Variants in CLSTN2 observed in about 807,000 individuals in gnomAD.
CLSTN2 encodes the protein calsyntenin 2.
In CLSTN2, 48 loss-of-function variants were observed where a neutral mutation model predicts 101.2. That is an observed-to-expected ratio of 0.47 (90% confidence interval 0.38 to 0.60). The LOEUF (loss-of-function observed/expected upper bound fraction) is 0.60. CLSTN2 is among the 20% of genes least tolerant of loss of function. The pLI is 0.00. For missense variants in CLSTN2, 1,160 were observed against 1,238.2 expected, an observed-to-expected ratio of 0.94 and a Z score of 0.95; for synonymous variants, 481 against 463.6, an observed-to-expected ratio of 1.04 and a Z score of -0.48.
chr3:140,227,049 C>G (rs915551321), intron 2 of CLSTN2, among the ~76,000 whole-genome samples: 2 of 152,148 alleles, frequency 1.3e-5, no homozygotes, highest in African/African-American at 4.8e-5. Flanking sequence ...AATCTCATGT[C>G]CTCACATTTC....
chr3:140,558,273 G>A (rs753998230), intron 11 of CLSTN2, among the ~76,000 whole-genome samples: 36 of 152,298 alleles, frequency 2.4e-4, no homozygotes, highest in Middle Eastern at 3.4e-3. Flanking sequence ...TTAGTAAGAC[G>A]GGTGTAACCA....
At chr3:140,517,357 G>A (rs1482735009) in intron 8 of CLSTN2, among the ~76,000 whole-genome samples, 1 of 152,174 alleles carries the variant, frequency 6.6e-6, no homozygotes, top group African/African-American at 2.4e-5. Flanking sequence ...CATTGGTGGT[G>A]AGCTGGTGTG....
At chr3:140,327,408 G>T (rs1029536471) in intron 2 of CLSTN2, among the ~76,000 whole-genome samples, 2 of 152,188 alleles carry the variant, frequency 1.3e-5, no homozygotes, top group Non-Finnish European at 2.9e-5. Flanking sequence ...GCACTTTCAT[G>T]CATGAGAAGG....
chr3:140,375,013 A>G (rs554998648), intron 2 of CLSTN2, among the ~76,000 whole-genome samples: 1 of 152,370 alleles, frequency 6.6e-6, no homozygotes, highest in Non-Finnish European at 1.5e-5. Context: ...TTGCTCACCT[A>G]GGAGCCAATG....
chr3:140,405,030 A>G (rs2088286784), intron 4 of CLSTN2, among the ~76,000 whole-genome samples: 1 of 152,158 alleles, frequency 6.6e-6, no homozygotes, highest in East Asian at 1.9e-4. Context: ...AGTGCCACAC[A>G]TCTAGATACC....
At chr3:140,214,177 C>T (rs547124986) in intron 2 of CLSTN2, among the ~76,000 whole-genome samples, 21 of 152,188 alleles carry the variant, frequency 1.4e-4, no homozygotes, top group South Asian at 2.1e-4. Context: ...TGGTGGCTCA[C>T]GCCTGTAATC....
chr3:139,985,712 A>C (rs1360711885), intron 1 of CLSTN2, among the ~76,000 whole-genome samples: 2 of 152,170 alleles, frequency 1.3e-5, no homozygotes, highest in African/African-American at 4.8e-5. Context: ...AAAGCAATTG[A>C]ATCTTGGTTG....
chr3:139,974,337 A>G (rs949857313), intron 1 of CLSTN2, among the ~76,000 whole-genome samples: 5 of 152,184 alleles, frequency 3.3e-5, no homozygotes, highest in African/African-American at 7.2e-5. Flanking sequence ...CAACCAAGAC[A>G]TGTTCACACC....
chr3:140,421,043 G>A (rs1354218432), intron 4 of CLSTN2, 82 bp from the exon 5 acceptor site: 5 of 1,379,246 alleles, frequency 3.6e-6, no homozygotes, highest in Non-Finnish European at 5.0e-6. Context: ...TGTGAAGGTG[G>A]GTGGAGTGGA....
At chr3:140,128,457 G>A (rs1367161793) in intron 1 of CLSTN2, among the ~76,000 whole-genome samples, 1 of 152,178 alleles carries the variant, frequency 6.6e-6, no homozygotes, top group Non-Finnish European at 1.5e-5. Flanking sequence ...TTAATAAAAG[G>A]ATTATTTACA....
chr3:140,273,885 T>C (rs1179900576), intron 2 of CLSTN2, among the ~76,000 whole-genome samples: 1 of 152,176 alleles, frequency 6.6e-6, no homozygotes, highest in African/African-American at 2.4e-5. Flanking sequence ...TTTGGGGACC[T>C]GGCTCAATTT....
At chr3:140,556,077 C>T (rs1032640511) in intron 10 of CLSTN2, among the ~76,000 whole-genome samples, 1 of 152,080 alleles carries the variant, frequency 6.6e-6, no homozygotes, top group African/African-American at 2.4e-5. Flanking sequence ...CGGCATGGGT[C>T]AGAAAATGGA....
intron 1 of CLSTN2, among the ~76,000 whole-genome samples, chr3:140,134,744 G>C (rs1396480229): frequency 6.6e-6 from 1 of 152,092 alleles, no homozygotes; most frequent in East Asian, 1.9e-4. Context: ...TGTGAAGCTG[G>C]GCTGGGGGAA....
At chr3:140,261,122 T>C (rs528247906) in intron 2 of CLSTN2, among the ~76,000 whole-genome samples, 3 of 152,184 alleles carry the variant, frequency 2.0e-5, no homozygotes, top group Non-Finnish European at 2.9e-5. Context: ...TAATACAGTG[T>C]TTGGAAATGA....
rs572534467 is a variant in CLSTN2, at chr3:140,571,560, T to C, written c.*5307T>C. ...TGAATGGTACAGGATTCTGCATCTATATGAGACATTTATTGAGGCTGACAA... is the reference window on the plus strand; with the variant it reads ...TGAATGGTACAGGATTCTGCATCTACATGAGACATTTATTGAGGCTGACAA... On this transcript the variant is annotated 3_prime_UTR_variant, in exon 17 of 17. Transcript: ENST00000458420. 2.4e-4 allele frequency: 37 copies of C among 152,338 alleles called. No homozygotes were observed. Among genetic ancestry groups the C allele is most frequent in the African/African-American group, 8.7e-4 (36 of 41,580 alleles). The allele number at this position is 152,338 out of a possible 1,614,324, so 9.4% of individuals were successfully genotyped here.
intron 2 of CLSTN2, among the ~76,000 whole-genome samples, chr3:140,388,451 G>T (rs570309657): frequency 6.3e-4 from 96 of 152,292 alleles, no homozygotes; most frequent in Admixed American, 1.6e-3. Flanking sequence ...AGTTATTTTT[G>T]CATCTGAGCC....
At chr3:140,518,106 C>A (rs1370462212) in intron 8 of CLSTN2, among the ~76,000 whole-genome samples, 1 of 152,096 alleles carries the variant, frequency 6.6e-6, no homozygotes, top group East Asian at 1.9e-4. Context: ...AGTCCTCACC[C>A]AGCTTCCATG....
intron 1 of CLSTN2, among the ~76,000 whole-genome samples, chr3:139,998,339 T>TTTTTTTTTTTTTTTTTTTTTTC: frequency 9.9e-6 from 1 of 100,566 alleles, no homozygotes; most frequent in Non-Finnish European, 2.0e-5. Flanking sequence ...CACATGCCTT[T>TTTTTTTTTTTTTTTTTTTTTTC]TTTTTTTTTT....
At chr3:140,030,509 G>A (rs1232235850) in intron 1 of CLSTN2, among the ~76,000 whole-genome samples, 1 of 152,156 alleles carries the variant, frequency 6.6e-6, no homozygotes, top group Admixed American at 6.5e-5. Context: ...AGTCCAGGAG[G>A]TCTATTCTAG....
Sources: allele counts gnomAD v4.1 joint callset (sites outside exome capture counted in the v4.1 genomes callset), GRCh38; gene constraint gnomAD v4.1.1; transcripts MANE v1.5; gene names NCBI Gene and HGNC (gene_info 2026-07-23, HGNC 2026-07-21).